The following TBC1D32 variants were observed in gnomAD, a reference collection of about 807,000 sequenced individuals.
The protein encoded by TBC1D32 is TBC1 domain family member 32, also known as protein broad-minded.
In TBC1D32, 151 loss-of-function variants were observed where a neutral mutation model predicts 170.3. That is an observed-to-expected ratio of 0.89 (90% confidence interval 0.78 to 1.01). TBC1D32 has a LOEUF of 1.01. Ranked by LOEUF, TBC1D32 falls within the 50% of genes least tolerant of loss-of-function variation. The pLI is 0.00. For missense variants in TBC1D32, 1,464 were observed against 1,457.1 expected, an observed-to-expected ratio of 1.00 and a Z score of -0.08; for synonymous variants, 498 against 488.0, an observed-to-expected ratio of 1.02 and a Z score of -0.27.
At chr6:121,183,080 A>G (rs1456803552) in intron 22 of TBC1D32, among the ~76,000 whole-genome samples, 5 of 151,966 alleles carry the variant, frequency 3.3e-5, no homozygotes, top group Non-Finnish European at 7.4e-5. Flanking sequence ...ACACCAGAGC[A>G]TCTCTATGTA....
intron 22 of TBC1D32, among the ~76,000 whole-genome samples, chr6:121,193,546 A>C (rs1353383643): frequency 1.3e-5 from 2 of 152,230 alleles, no homozygotes; most frequent in Non-Finnish European, 2.9e-5. Context: ...TACAAAATTT[A>C]AATACAATAA....
intron 1 of TBC1D32, among the ~76,000 whole-genome samples, chr6:121,328,630 A>G (rs1191664710): frequency 6.6e-6 from 1 of 152,114 alleles, no homozygotes; most frequent in East Asian, 1.9e-4. Context: ...ACAAGTTTAT[A>G]ATTGCTATAC....
chr6:121,106,792 C>T (rs1267458468), intron 29 of TBC1D32, among the ~76,000 whole-genome samples: 1 of 151,806 alleles, frequency 6.6e-6, no homozygotes, highest in African/African-American at 2.4e-5. Flanking sequence ...TGTTTATTTC[C>T]ATATAATTTT....
At position 121,294,576 on chromosome 6, in the gene TBC1D32, G is replaced by A; in HGVS notation, c.1225C>T (p.His409Tyr). ...KADETLGHSKHCRNKQKTFYY... is the reference protein window; with the variant it reads ...KADETLGHSKYCRNKQKTFYY... Reference sequence around the variant, plus strand: ...TAGAGGAAATAATACTTACTGCAATGCTTTGAATGTCCCAAAGTTTCATCA... The same window carrying A: ...TAGAGGAAATAATACTTACTGCAATACTTTGAATGTCCCAAAGTTTCATCA... The change falls in exon 11 of 32, where the codon CAT (histidine) becomes TAT (tyrosine). Residue 409 changes from histidine to tyrosine, a missense_variant. Physicochemically the swap from His to Tyr is moderately conservative, Grantham distance 83. Transcript: ENST00000398212. 6.2e-7 allele frequency: 1 copy of A among 1,609,868 alleles called. No homozygotes were observed. Among genetic ancestry groups the A allele is most frequent in the Non-Finnish European group, 8.5e-7 (1 of 1,177,606 alleles).
At chr6:121,191,188 T>C (rs1383709240) in intron 22 of TBC1D32, among the ~76,000 whole-genome samples, 1 of 152,184 alleles carries the variant, frequency 6.6e-6, no homozygotes, top group East Asian at 1.9e-4. Context: ...GAAATTTTTG[T>C]TATATACATG....
rs578041444 is a variant in TBC1D32, at chr6:121,120,828, C to T, written c.2983+5550G>A. Among the ~76,000 whole-genome samples the T allele has an allele frequency of 1.1e-4, 17 of 151,938 alleles. No individual in the cohort carries two copies. In the East Asian group the frequency reaches 1.5e-3, roughly 14 times the overall value. ...AATTCCTTTCACCTACCTTAACTTTCGTTTAATAGTATCTTGTATTTTCTT... is the reference window on the plus strand; with the variant it reads ...AATTCCTTTCACCTACCTTAACTTTTGTTTAATAGTATCTTGTATTTTCTT... On this transcript the variant is annotated intron_variant, in intron 26 of 31. Coordinates refer to ENST00000398212, the MANE Select transcript of TBC1D32 (RefSeq NM_152730.6).
At chr6:121,236,980 A>G (rs932639743) in intron 20 of TBC1D32, 1 of 152,068 alleles carries the variant, frequency 6.6e-6, no homozygotes, top group African/African-American at 2.4e-5. Flanking sequence ...CCTATTTGCA[A>G]TTCCCTGTTT....
At chr6:121,110,281 A>ATATAT (rs550142853) in intron 29 of TBC1D32, among the ~76,000 whole-genome samples, 1 of 149,360 alleles carries the variant, frequency 6.7e-6, no homozygotes, top group Non-Finnish European at 1.5e-5. Flanking sequence ...TATATATATA[A>ATATAT]AAATATATAA....
chr6:121,202,383 C>G (rs1791700936), intron 22 of TBC1D32, among the ~76,000 whole-genome samples: 1 of 149,546 alleles, frequency 6.7e-6, no homozygotes, highest in African/African-American at 2.5e-5. Context: ...AAAAAATGGT[C>G]CCCTATATCA....
At chr6:121,154,037 T>TGCA (rs1339578862) in intron 24 of TBC1D32, among the ~76,000 whole-genome samples, 8 of 22,302 alleles carry the variant, frequency 3.6e-4, no homozygotes, top group Non-Finnish European at 6.5e-4. Flanking sequence ...GACACTAGGG[T>TGCA]ACAAAAAAAA....
intron 11 of TBC1D32, among the ~76,000 whole-genome samples, chr6:121,293,771 T>C (rs919620019): frequency 1.9e-4 from 29 of 151,996 alleles, no homozygotes; most frequent in African/African-American, 7.0e-4. Context: ...CTTAGCCAGA[T>C]GTGGTGGCAG....
At chr6:121,098,195 T>G (rs201481170) in intron 30 of TBC1D32, among the ~76,000 whole-genome samples, 1 of 71,160 alleles carries the variant, frequency 1.4e-5, no homozygotes, top group South Asian at 3.6e-4. Flanking sequence ...TAAAGTAGAA[T>G]AATAATAATA....
chr6:121,242,825 A>T (rs1797160680), intron 17 of TBC1D32, among the ~76,000 whole-genome samples: 1 of 152,030 alleles, frequency 6.6e-6, no homozygotes, highest in East Asian at 1.9e-4. Context: ...TTTTTCTCAG[A>T]ACACTTCTAT....
In TBC1D32 at chr6:121,308,045, G is replaced by A. The variant is rs373084665; in HGVS notation, c.621C>T (p.Asn207=). 3.1e-6 allele frequency: 5 copies of A among 1,613,736 alleles called. No individual in the cohort carries two copies. Among genetic ancestry groups the A allele is most frequent in the Non-Finnish European group, 4.2e-6 (5 of 1,179,868 alleles). Residue 207 remains asparagine, a synonymous_variant, in exon 5 of 32, where the codon AAC becomes AAT. Transcript: ENST00000398212. The part of the protein sequence containing the change: ...LCSAPPSDVL[N]CENWTTLCEK... ...CGCAGAGAGTAGTCCAATTTTCACA[G>A]TTGAGGACATCAGATGGAGGAGCTG...
intron 17 of TBC1D32, among the ~76,000 whole-genome samples, chr6:121,247,051 G>C (rs370693540): frequency 6.6e-6 from 1 of 152,148 alleles, no homozygotes; most frequent in East Asian, 1.9e-4. Flanking sequence ...ATGAAGGACA[G>C]AATCTTAAGA....
chr6:121,311,326 T>TA (rs1808164162), intron 3 of TBC1D32, among the ~76,000 whole-genome samples: 1 of 152,128 alleles, frequency 6.6e-6, no homozygotes, highest in South Asian at 2.1e-4. Flanking sequence ...CTTCCATCTA[T>TA]AAAAAAGTTT....
chr6:121,169,720 G>C (rs189544821), intron 22 of TBC1D32, among the ~76,000 whole-genome samples: 40 of 152,162 alleles, frequency 2.6e-4, no homozygotes, highest in African/African-American at 9.6e-4. Flanking sequence ...AAAAAACCTA[G>C]AGTATCAAGT....
chr6:121,170,296 G>T, intron 22 of TBC1D32: 1 of 1,085,414 alleles, frequency 9.2e-7, no homozygotes, highest in Non-Finnish European at 1.3e-6. Flanking sequence ...TAAATTGATT[G>T]AATTTAGAAA....
intron 30 of TBC1D32, among the ~76,000 whole-genome samples, chr6:121,100,799 C>T (rs1303432368): frequency 6.6e-6 from 1 of 151,962 alleles, no homozygotes; most frequent in African/African-American, 2.4e-5. Flanking sequence ...AATCCAGGAG[C>T]TGTTTTTTTG....
Sources: allele counts gnomAD v4.1 joint callset (sites outside exome capture counted in the v4.1 genomes callset), GRCh38; gene constraint gnomAD v4.1.1; transcripts MANE v1.5; gene names NCBI Gene and HGNC (gene_info 2026-07-23, HGNC 2026-07-21).